The following STAG1 variants were observed in gnomAD, a reference collection of about 807,000 sequenced individuals.
STAG1 encodes STAG1 cohesin complex component, also known as cohesin subunit SA-1.
In STAG1, 26 loss-of-function variants were observed where a neutral mutation model predicts 170.9. The observed-to-expected ratio is 0.15, with a 90% CI of 0.11 to 0.21. The LOEUF (loss-of-function observed/expected upper bound fraction) is 0.21. Ranked by LOEUF, STAG1 falls within the 10% of genes least tolerant of loss-of-function variation. The pLI is 1.00. For synonymous variants in STAG1, 514 were observed against 497.7 expected (o/e 1.03, Z -0.44); for missense variants, 964 against 1,509.5 (o/e 0.64, Z 5.99).
rs77703349 is a variant in STAG1, at chr3:136,739,960, C to T, written c.-84+12235G>A. ...AACAATAAATGCAACGGGATAGATA[C>T]AGAGGATAAAGATTGGCTGAAGTTA... is the stretch of plus-strand genomic sequence containing the variant. On this transcript the variant is annotated intron_variant, in intron 1 of 33. Coordinates refer to ENST00000383202, the MANE Select transcript of STAG1 (RefSeq NM_005862.3). Among the ~76,000 whole-genome samples the T allele has an allele frequency of 4.9e-3, 744 of 152,238 alleles. 8 individuals are homozygous for T. Among genetic ancestry groups the T allele is most frequent in the African/African-American group, 0.017 (723 of 41,528 alleles).
At chr3:136,463,783 A>ACACACACACACACACG (rs1553725830) in intron 13 of STAG1, among the ~76,000 whole-genome samples, 7 of 135,202 alleles carry the variant, frequency 5.2e-5, no homozygotes, top group Non-Finnish European at 1.2e-4. Context: ...ACACACACAC[A>ACACACACACACACACG]CACACACATA....
chr3:136,638,916 A>G (rs972789681), intron 1 of STAG1, among the ~76,000 whole-genome samples: 3 of 152,082 alleles, frequency 2.0e-5, no homozygotes, highest in African/African-American at 4.8e-5. Flanking sequence ...TAAATAAATA[A>G]ATAAATGCAT....
intron 16 of STAG1, among the ~76,000 whole-genome samples, chr3:136,423,840 T>C (rs992691930): frequency 6.6e-6 from 1 of 152,108 alleles, no homozygotes; most frequent in African/African-American, 2.4e-5. Flanking sequence ...CACTGCCTAT[T>C]TGATTGTTCA....
At chr3:136,526,607 T>C (rs1014305628) in intron 6 of STAG1, among the ~76,000 whole-genome samples, 9 of 152,338 alleles carry the variant, frequency 5.9e-5, no homozygotes, top group African/African-American at 1.9e-4. Flanking sequence ...TTAAGGTTAA[T>C]ATTGTTATGT....
chr3:136,541,122 C>T (rs1054753198), intron 6 of STAG1, among the ~76,000 whole-genome samples: 6 of 152,018 alleles, frequency 3.9e-5, no homozygotes, highest in Admixed American at 6.6e-5. Flanking sequence ...CACTGTTTGT[C>T]TTAACATATG....
At position 136,341,358 on chromosome 3, in the gene STAG1, C is replaced by G; in HGVS notation, c.3557+83G>C. ...TATAATTTTAACTCCTAAGACCAAACATCAAAGAAACCCAAGTCATTTCAC... is the reference window on the plus strand; with the variant it reads ...TATAATTTTAACTCCTAAGACCAAAGATCAAAGAAACCCAAGTCATTTCAC... On this transcript the variant is annotated intron_variant, in intron 31 of 33. Transcript: ENST00000383202. 7 of 916,196 alleles carry G rather than the reference C, an allele frequency of 7.6e-6. No homozygotes were observed. The South Asian group carries it at 1.0e-4, about 13-fold the overall frequency. The allele number at this position is 916,196 out of a possible 1,614,324, so 56.8% of individuals were successfully genotyped here.
rs748598377 is a variant in STAG1, at chr3:136,421,140, GTCA to G, written c.2058_2060del (p.Asp687del). 1.2e-6 allele frequency: 2 copies of G among 1,607,612 alleles called. No individual in the cohort carries two copies. Among genetic ancestry groups the G allele is most frequent in the Non-Finnish European group, 1.7e-6 (2 of 1,176,734 alleles). ...TTAATGTAGAAAGAACATTGTAAATGTCATCATCATCAGCTTCTTCTCCCTATA... is the reference window on the plus strand; with the variant it reads ...TTAATGTAGAAAGAACATTGTAAATGTCATCATCAGCTTCTTCTCCCTATA... On this transcript the variant is annotated inframe_deletion, in exon 20 of 34. Coordinates refer to ENST00000383202, the MANE Select transcript of STAG1 (RefSeq NM_005862.3).
At chr3:136,729,376 CT>C (rs1203887931) in intron 1 of STAG1, among the ~76,000 whole-genome samples, 1 of 152,030 alleles carries the variant, frequency 6.6e-6, no homozygotes, top group African/African-American at 2.4e-5. Flanking sequence ...AACTCTCCCT[CT>C]TTGTGAATGG....
Position 136,678,048 on chromosome 3 carries a change from T to C in STAG1, c.-83-47067A>G, listed in dbSNP as rs1392795318. ...AAAGTTGGCACTAGTATGAAGAAAA[T>C]ACACATTCTTAGTGAAGGGCATAAA... On this transcript the variant is annotated intron_variant, in intron 1 of 33. Coordinates refer to ENST00000383202, the MANE Select transcript of STAG1 (RefSeq NM_005862.3). Among the ~76,000 whole-genome samples the C allele has an allele frequency of 8.0e-5, 12 of 149,732 alleles. 1 individual carries two copies. In the South Asian group the frequency reaches 1.7e-3, roughly 21 times the overall value.
intron 22 of STAG1, among the ~76,000 whole-genome samples, chr3:136,390,445 T>C (rs970997815): frequency 2.0e-5 from 3 of 152,214 alleles, no homozygotes; most frequent in Admixed American, 1.3e-4. Context: ...GTATCTTTCT[T>C]CTCTAACTTT....
At chr3:136,386,924 T>C (rs1382987141) in intron 22 of STAG1, among the ~76,000 whole-genome samples, 1 of 152,136 alleles carries the variant, frequency 6.6e-6, no homozygotes, top group African/African-American at 2.4e-5. Context: ...ATTTTTGGAA[T>C]GGGCAGAAAT....
At chr3:136,370,319 G>A (rs533759660) in intron 23 of STAG1, among the ~76,000 whole-genome samples, 1 of 152,078 alleles carries the variant, frequency 6.6e-6, no homozygotes, top group South Asian at 2.1e-4. Flanking sequence ...CTGACACTTT[G>A]TAGGCCTAGG....
At chr3:136,449,336 G>GGACC (rs1441862228) in intron 14 of STAG1, among the ~76,000 whole-genome samples, 1 of 152,140 alleles carries the variant, frequency 6.6e-6, no homozygotes, top group Non-Finnish European at 1.5e-5. Context: ...CGAGGCAGGT[G>GGACC]GACCACCTGA....
chr3:136,681,995 T>G (rs1339362433), intron 1 of STAG1, among the ~76,000 whole-genome samples: 1 of 152,132 alleles, frequency 6.6e-6, no homozygotes, highest in Non-Finnish European at 1.5e-5. Context: ...ACCCTTTCTA[T>G]TCAACATGGT....
intron 1 of STAG1, among the ~76,000 whole-genome samples, chr3:136,744,254 G>T (rs1187904794): frequency 6.6e-6 from 1 of 152,182 alleles, no homozygotes; most frequent in African/African-American, 2.4e-5. Flanking sequence ...TTGAACTGGG[G>T]AAGCAGAGGA....
At chr3:136,699,305 T>C (rs1157275521) in intron 1 of STAG1, among the ~76,000 whole-genome samples, 1 of 152,220 alleles carries the variant, frequency 6.6e-6, no homozygotes, top group Non-Finnish European at 1.5e-5. Flanking sequence ...GACCACTGCT[T>C]TATTCAAATA....
intron 7 of STAG1, among the ~76,000 whole-genome samples, chr3:136,510,621 T>C (rs1440327602): frequency 6.6e-6 from 1 of 150,826 alleles, no homozygotes; most frequent in East Asian, 2.0e-4. Context: ...TTGTTTTTTT[T>C]TTTTTTTGAA....
intron 1 of STAG1, among the ~76,000 whole-genome samples, chr3:136,665,974 C>T (rs1941750924): frequency 6.9e-6 from 1 of 144,838 alleles, no homozygotes; most frequent in Admixed American, 7.3e-5. Flanking sequence ...ACTCGTGAGG[C>T]TAAGGCAGGA....
intron 1 of STAG1, among the ~76,000 whole-genome samples, chr3:136,696,890 A>C (rs1942911687): frequency 6.6e-6 from 1 of 152,150 alleles, no homozygotes; most frequent in South Asian, 2.1e-4. Flanking sequence ...AATGATCAAA[A>C]AGGGTATGAG....
Sources: allele counts gnomAD v4.1 joint callset (sites outside exome capture counted in the v4.1 genomes callset), GRCh38; gene constraint gnomAD v4.1.1; transcripts MANE v1.5; gene names NCBI Gene and HGNC (gene_info 2026-07-23, HGNC 2026-07-21).